Variants in CAMK4 observed in about 807,000 individuals in gnomAD.
The protein encoded by CAMK4 is calcium/calmodulin-dependent protein kinase type IV.
A neutral mutation model predicts 44.9 loss-of-function variants in CAMK4; 22 were observed. The ratio of observed to expected loss-of-function variants is 0.49; its 90% confidence interval spans 0.35 to 0.70. The LOEUF is 0.70. CAMK4 is among the 30% of genes least tolerant of loss of function. The pLI, the probability that CAMK4 is intolerant of heterozygous loss-of-function variation, is 0.01. For synonymous variants in CAMK4, 218 were observed against 215.4 expected (o/e 1.01, Z -0.11); for missense variants, 498 against 586.8 (o/e 0.85, Z 1.56).
intron 1 of CAMK4, among the ~76,000 whole-genome samples, chr5:111,332,537 CAT>C (rs1749215267): frequency 6.6e-6 from 1 of 151,526 alleles, no homozygotes; most frequent in African/African-American, 2.4e-5. Context: ...CTGCAATAAA[CAT>C]ATGTGTGCAT....
chr5:111,270,100 C>T (rs946168735), intron 1 of CAMK4: 1 of 152,324 alleles, frequency 6.6e-6, no homozygotes, highest in African/African-American at 2.4e-5. Flanking sequence ...TCCCAAAGAG[C>T]TTTCTCTCTC....
At chr5:111,239,021 C>G (rs749068424) in intron 1 of CAMK4, among the ~76,000 whole-genome samples, 2 of 151,618 alleles carry the variant, frequency 1.3e-5, no homozygotes, top group Non-Finnish European at 2.9e-5. Context: ...ACATTATTTC[C>G]TCAGCAGCTG....
intron 1 of CAMK4, among the ~76,000 whole-genome samples, chr5:111,265,024 T>A (rs967488526): frequency 6.6e-6 from 1 of 152,112 alleles, no homozygotes; most frequent in Admixed American, 6.5e-5. Flanking sequence ...ACACCCTCTA[T>A]CACCACCTTC....
intron 1 of CAMK4, among the ~76,000 whole-genome samples, chr5:111,238,869 C>A (rs1003078886): frequency 2.2e-5 from 3 of 134,388 alleles, no homozygotes; most frequent in Non-Finnish European, 4.6e-5. Flanking sequence ...ATGCCTCCAC[C>A]TTGCCAGACC....
At chr5:111,319,282 A>G (rs772835560) in intron 1 of CAMK4, among the ~76,000 whole-genome samples, 1 of 152,218 alleles carries the variant, frequency 6.6e-6, no homozygotes, top group African/African-American at 2.4e-5. Flanking sequence ...CTTTCTAGAT[A>G]GACTTCCACA....
intron 5 of CAMK4, among the ~76,000 whole-genome samples, chr5:111,430,066 C>G (rs1483915715): frequency 6.6e-6 from 1 of 151,998 alleles, no homozygotes; most frequent in East Asian, 1.9e-4. Context: ...CAAAAATCTT[C>G]AACAAAATAT....
At chr5:111,231,212 A>G (rs565986207) in intron 1 of CAMK4, among the ~76,000 whole-genome samples, 67 of 152,326 alleles carry the variant, frequency 4.4e-4, no homozygotes, top group African/African-American at 1.6e-3. Context: ...AGTGGTAAAG[A>G]TCAAATAAAG....
chr5:111,422,292 A>G (rs1228619713), intron 5 of CAMK4, among the ~76,000 whole-genome samples: 1 of 152,232 alleles, frequency 6.6e-6, no homozygotes, highest in Non-Finnish European at 1.5e-5. Flanking sequence ...CTTGAAGTTC[A>G]GTAACGAGCA....
intron 1 of CAMK4, among the ~76,000 whole-genome samples, chr5:111,233,548 C>T (rs1044094859): frequency 6.6e-6 from 1 of 152,130 alleles, no homozygotes; most frequent in African/African-American, 2.4e-5. Flanking sequence ...TATCAAAAGA[C>T]TATTTATTGG....
chr5:111,267,703 C>CAAAAAAA (rs59699712), intron 1 of CAMK4, among the ~76,000 whole-genome samples: 5 of 71,728 alleles, frequency 7.0e-5, no homozygotes, highest in Admixed American at 1.7e-4. Flanking sequence ...GACTCCGTCT[C>CAAAAAAA]AAAAAAAAAA....
intron 7 of CAMK4, among the ~76,000 whole-genome samples, chr5:111,471,345 C>T (rs1355885158): frequency 6.6e-6 from 1 of 152,162 alleles, no homozygotes; most frequent in Non-Finnish European, 1.5e-5. Context: ...TTATTTTTTT[C>T]TCAAAAATTG....
intron 4 of CAMK4, among the ~76,000 whole-genome samples, chr5:111,394,459 A>C (rs1751922159): frequency 6.6e-6 from 1 of 152,190 alleles, no homozygotes; most frequent in African/African-American, 2.4e-5. Flanking sequence ...AAAGCTTAAA[A>C]CAGACAAAGT....
intron 5 of CAMK4, among the ~76,000 whole-genome samples, chr5:111,437,440 G>C (rs148271589): frequency 6.6e-6 from 1 of 152,036 alleles, no homozygotes; most frequent in Non-Finnish European, 1.5e-5. Context: ...GTTAGGCTCT[G>C]TGAAGGAAAT....
chr5:111,311,209 G>C (rs1748187764), intron 1 of CAMK4, among the ~76,000 whole-genome samples: 2 of 152,010 alleles, frequency 1.3e-5, no homozygotes, highest in South Asian at 2.1e-4. Flanking sequence ...GTTGTAATTA[G>C]GTCCAAAGCA....
At chr5:111,249,306 A>T (rs967288144) in intron 1 of CAMK4, among the ~76,000 whole-genome samples, 1 of 152,256 alleles carries the variant, frequency 6.6e-6, no homozygotes, top group Non-Finnish European at 1.5e-5. Context: ...TCTGGAAATT[A>T]TCTGTTCTAC....
At chr5:111,355,486 T>TTTATTTATTTATTTATTTA (rs1554064297) in intron 2 of CAMK4, among the ~76,000 whole-genome samples, 5 of 146,822 alleles carry the variant, frequency 3.4e-5, no homozygotes, top group Admixed American at 2.0e-4. Context: ...TCTGCATTCT[T>TTTATTTATTTATTTATTTA]TTTATTTATT....
At chr5:111,477,121 C>G (rs1755273348) in intron 8 of CAMK4, among the ~76,000 whole-genome samples, 1 of 152,122 alleles carries the variant, frequency 6.6e-6, no homozygotes, top group Admixed American at 6.5e-5. Flanking sequence ...GGACATGTGC[C>G]CTGTCTCACC....
chr5:111,468,858 A>G (rs1335784727), intron 7 of CAMK4, among the ~76,000 whole-genome samples: 1 of 151,996 alleles, frequency 6.6e-6, no homozygotes, highest in African/African-American at 2.4e-5. Flanking sequence ...CCTGCCTGTA[A>G]TCACAGCTAC....
chr5:111,400,349 C>T (rs1752178388), intron 5 of CAMK4, among the ~76,000 whole-genome samples: 1 of 152,132 alleles, frequency 6.6e-6, no homozygotes, highest in Admixed American at 6.5e-5. Flanking sequence ...AGTTTATTGT[C>T]AATTACACAG....
Sources: allele counts gnomAD v4.1 joint callset (sites outside exome capture counted in the v4.1 genomes callset), GRCh38; gene constraint gnomAD v4.1.1; transcripts MANE v1.5; gene names NCBI Gene and HGNC (gene_info 2026-07-23, HGNC 2026-07-21).